Variants in ROBO2 observed in about 807,000 individuals in gnomAD.
The protein encoded by ROBO2 is roundabout homolog 2.
A neutral mutation model predicts 160.8 loss-of-function variants in ROBO2; 53 were observed. That is an observed-to-expected ratio of 0.33 (90% CI 0.26 to 0.41). The LOEUF is 0.41. Ranked by LOEUF, ROBO2 falls within the 10% of genes least tolerant of loss-of-function variation. The pLI, the probability that ROBO2 is intolerant of heterozygous loss-of-function variation, is 1.00. For missense variants in ROBO2, 1,577 were observed against 1,722.4 expected (o/e 0.92, Z 1.49); for synonymous variants, 664 against 611.7 (o/e 1.09, Z -1.26).
intron 2 of ROBO2, among the ~76,000 whole-genome samples, chr3:77,446,864 C>T (rs2080583521): frequency 6.6e-6 from 1 of 151,998 alleles, no homozygotes; most frequent in Non-Finnish European, 1.5e-5. Flanking sequence ...TCTCTCATGG[C>T]CCCTAAATAG....
intron 2 of ROBO2, chr3:76,311,000 A>C (rs2071554379): frequency 1.3e-5 from 2 of 152,158 alleles, no homozygotes. Context: ...TATCATTTTC[A>C]ATCAAGCTCA....
intron 2 of ROBO2, among the ~76,000 whole-genome samples, chr3:77,285,328 A>G (rs1226758562): frequency 6.6e-6 from 1 of 152,212 alleles, no homozygotes; most frequent in Non-Finnish European, 1.5e-5. Flanking sequence ...ACAAAAAAAG[A>G]GAAAATGAAA....
intron 2 of ROBO2, among the ~76,000 whole-genome samples, chr3:76,149,616 A>ACACACATCTGTCTAAAG (rs1206629139): frequency 8.2e-6 from 1 of 122,248 alleles, no homozygotes; most frequent in African/African-American, 2.7e-5. Flanking sequence ...TCTGTCTAAA[A>ACACACATCTGTCTAAAG]CACACATCTG....
chr3:76,039,635 T>C (rs140465628), intron 2 of ROBO2, among the ~76,000 whole-genome samples: 8 of 152,198 alleles, frequency 5.3e-5, no homozygotes, highest in Non-Finnish European at 1.0e-4. Flanking sequence ...ATCCTTTGTC[T>C]ACAGGGTAAA....
chr3:77,289,400 C>T lies in ROBO2; in HGVS notation c.389-188014C>T, dbSNP rs192412478. 6.0e-5 allele frequency among the ~76,000 whole-genome samples: 9 copies of T among 149,274 alleles called. No individual in the cohort carries two copies. In the East Asian group the frequency reaches 1.0e-3, roughly 17 times the overall value. On this transcript the variant is annotated intron_variant, in intron 2 of 25. Transcript: ENST00000461745. Reference sequence around the variant, plus strand: ...CACCCCAGACATAAAGTAAAATTGACGTTTAAACGGGGACACTGAGGCTAG... The same window carrying T: ...CACCCCAGACATAAAGTAAAATTGATGTTTAAACGGGGACACTGAGGCTAG...
intron 2 of ROBO2, among the ~76,000 whole-genome samples, chr3:75,948,352 A>G (rs1948400360): frequency 6.6e-6 from 1 of 152,064 alleles, no homozygotes; most frequent in Admixed American, 6.6e-5. Flanking sequence ...AAAAAACATC[A>G]AACTCTCCTG....
At chr3:75,943,926 C>T (rs2107111270) in intron 2 of ROBO2, among the ~76,000 whole-genome samples, 1 of 152,182 alleles carries the variant, frequency 6.6e-6, no homozygotes, top group African/African-American at 2.4e-5. Flanking sequence ...GTCTCAAACT[C>T]CTGACTTCAG....
In ROBO2 at chr3:77,546,383, A is replaced by C. The variant is rs371303330; in HGVS notation, c.980A>C (p.Gln327Pro). 5.0e-6 allele frequency: 8 copies of C among 1,613,184 alleles called. No individual in the cohort carries two copies. The African/African-American group carries it at 1.1e-4, about 22-fold the overall frequency. Residue 327 changes from glutamine to proline, a missense_variant, in exon 7 of 26, where the codon CAA (glutamine) becomes CCA (proline). Coordinates refer to ENST00000461745, the Ensembl canonical transcript of ROBO2. ...CGGCCAAGAGATCAGATTGTTGCTC[A>C]AGGTCGAACAGTGACATTTCCCTGT... is the stretch of plus-strand genomic sequence containing the variant.
intron 2 of ROBO2, among the ~76,000 whole-genome samples, chr3:76,455,349 C>T (rs1405799582): frequency 1.3e-5 from 2 of 152,012 alleles, no homozygotes; most frequent in Non-Finnish European, 2.9e-5. Context: ...ATACTTCATT[C>T]TCATTATTTG....
chr3:76,201,910 A>T (rs900124293), intron 2 of ROBO2, among the ~76,000 whole-genome samples: 1 of 133,500 alleles, frequency 7.5e-6, no homozygotes, highest in South Asian at 2.4e-4. Context: ...AAAAAAAAAA[A>T]AGAGATTTAA....
intron 2 of ROBO2, among the ~76,000 whole-genome samples, chr3:76,487,083 C>A (rs1248248237): frequency 6.6e-6 from 1 of 152,146 alleles, no homozygotes; most frequent in East Asian, 1.9e-4. Flanking sequence ...AATCCACCTG[C>A]CACAGCCTCT....
intron 2 of ROBO2, among the ~76,000 whole-genome samples, chr3:76,141,847 A>G (rs1186852801): frequency 6.6e-6 from 1 of 152,048 alleles, no homozygotes; most frequent in Non-Finnish European, 1.5e-5. Flanking sequence ...AAGCTCCACT[A>G]GAATGTAAAC....
At chr3:77,599,554 G>C (rs1211224027) in intron 19 of ROBO2, among the ~76,000 whole-genome samples, 1 of 151,072 alleles carries the variant, frequency 6.6e-6, no homozygotes, top group Non-Finnish European at 1.5e-5. Flanking sequence ...GTTAAATGAC[G>C]AGTTAATGGG....
intron 2 of ROBO2, among the ~76,000 whole-genome samples, chr3:76,686,249 A>G (rs1260867123): frequency 6.6e-6 from 1 of 152,102 alleles, no homozygotes; most frequent in Non-Finnish European, 1.5e-5. Flanking sequence ...ACCCATTACT[A>G]GTGTGTACTT....
Position 77,438,836 on chromosome 3 carries a change from G to T in ROBO2, c.389-38578G>T, listed in dbSNP as rs370259322. 4.5e-4 allele frequency among the ~76,000 whole-genome samples: 68 copies of T among 152,052 alleles called. No homozygotes were observed. The South Asian group carries it at 0.014, about 31-fold the overall frequency. ...GCAGAAGAAGAAAGCTTTCTTTTGT[G>T]GATGATGTGTTACTAAATAACTATC... On this transcript the variant is annotated intron_variant, in intron 2 of 25. Transcript: ENST00000461745.
At chr3:76,133,129 T>G (rs1350258004) in intron 2 of ROBO2, among the ~76,000 whole-genome samples, 1 of 152,136 alleles carries the variant, frequency 6.6e-6, no homozygotes, top group Non-Finnish European at 1.5e-5. Flanking sequence ...TTATATAAAT[T>G]AACAAACAGG....
chr3:77,226,411 T>G (rs763693432), intron 2 of ROBO2, among the ~76,000 whole-genome samples: 9 of 152,050 alleles, frequency 5.9e-5, no homozygotes, highest in Non-Finnish European at 1.3e-4. Context: ...TCCTATTTTC[T>G]TCCCCTTTTT....
chr3:76,381,030 G>A (rs1356883413), intron 2 of ROBO2, among the ~76,000 whole-genome samples: 7 of 140,218 alleles, frequency 5.0e-5, no homozygotes, highest in Admixed American at 1.4e-4. Flanking sequence ...TTACGTGAGC[G>A]GACTAAAAAA....
intron 2 of ROBO2, among the ~76,000 whole-genome samples, chr3:76,435,920 C>A (rs2076652388): frequency 6.6e-6 from 1 of 152,130 alleles, no homozygotes; most frequent in Non-Finnish European, 1.5e-5. Flanking sequence ...AGGGGTTGCA[C>A]TGGACCAAAG....
Sources: allele counts gnomAD v4.1 joint callset (sites outside exome capture counted in the v4.1 genomes callset), GRCh38; gene constraint gnomAD v4.1.1; transcripts MANE v1.5; gene names NCBI Gene and HGNC (gene_info 2026-07-23, HGNC 2026-07-21).